The following SERPINB7 variants were observed in gnomAD, a reference collection of about 807,000 sequenced individuals.
The protein encoded by SERPINB7 is serpin B7.
A neutral mutation model predicts 37.4 loss-of-function variants in SERPINB7; 31 were observed. The ratio of observed to expected loss-of-function variants is 0.83; its 90% CI spans 0.62 to 1.12. The LOEUF (loss-of-function observed/expected upper bound fraction) is 1.12. Ranked by LOEUF, SERPINB7 falls within the 50% of genes most tolerant of loss-of-function variation. SERPINB7 has a pLI of 0.00. For missense variants in SERPINB7, 521 were observed against 455.3 expected (o/e 1.14, Z -1.31); for synonymous variants, 163 against 166.1 (o/e 0.98, Z 0.14).
rs1408281348 is a variant in SERPINB7 at position 63,800,891 on chromosome 18, T to A, written c.623T>A (p.Met208Lys). ...TGCTCTGGGAAGGCAGTCGCCATGA[T>A]GCATCAGGAACGGAAGTTCAATTTG... is the stretch of plus-strand genomic sequence containing the variant. ...PKCSGKAVAM[M>K]HQERKFNLSV... is the part of the protein sequence containing the mutation. Residue 208 changes from methionine (M) to lysine (K), a missense_variant, in exon 7 of 8, where the codon ATG (methionine) becomes AAG (lysine). Physicochemically the swap from Met to Lys is moderately conservative, Grantham distance 95. Transcript: ENST00000398019. 1 of 1,613,818 alleles carries A rather than the reference T, an allele frequency of 6.2e-7. No homozygotes were observed. Among genetic ancestry groups the A allele is most frequent in the Non-Finnish European group, 8.5e-7 (1 of 1,179,888 alleles).
intron 2 of SERPINB7, among the ~76,000 whole-genome samples, chr18:63,790,351 G>A (rs2144627176): frequency 1.3e-5 from 2 of 152,320 alleles, no homozygotes; most frequent in Non-Finnish European, 2.9e-5. Context: ...CCATGGTGAG[G>A]TTGATGACAA....
chr18:63,753,872 A>G (rs2049106017), intron 1 of SERPINB7, among the ~76,000 whole-genome samples: 1 of 152,228 alleles, frequency 6.6e-6, no homozygotes, highest in South Asian at 2.1e-4. Context: ...AACTATGTAT[A>G]GCTGAGCTTT....
In SERPINB7 at chr18:63,782,499, C is replaced by G; in HGVS notation, c.127C>G (p.Arg43Gly). The G allele has an allele frequency of 1.2e-6, 2 of 1,613,616 alleles. No individual in the cohort carries two copies. The highest frequency in any genetic ancestry group is 8.5e-7 in the Non-Finnish European group (1 of 1,179,724). The change falls in exon 2 of 8, where the codon CGC becomes GGC. Residue 43 changes from arginine (R) to glycine (G), a missense_variant. Transcript: ENST00000398019. ...LSLFAALALV[R>G]LGAQDDSLSQ... ...CCTCTTCGCTGCCCTGGCCCTGGTC[C>G]GCTTGGGCGCTCAAGATGACTCCCT...
intron 3 of SERPINB7, among the ~76,000 whole-genome samples, chr18:63,792,737 C>A (rs2049442757): frequency 6.6e-6 from 1 of 152,092 alleles, no homozygotes; most frequent in Admixed American, 6.5e-5. Context: ...TTCAGATTTC[C>A]AGATTGTGAA....
chr18:63,771,571 A>G (rs1394589163), upstream of SERPINB7, among the ~76,000 whole-genome samples: 1 of 152,080 alleles, frequency 6.6e-6, no homozygotes, highest in Non-Finnish European at 1.5e-5. Flanking sequence ...TTTCTTAAAG[A>G]CAGAATTGAT....
chr18:63,781,244 G>C (rs969169994), intron 1 of SERPINB7, among the ~76,000 whole-genome samples: 15 of 152,100 alleles, frequency 9.9e-5, no homozygotes, highest in Admixed American at 7.9e-4. Flanking sequence ...GGAGCAAAAG[G>C]TACAAGGAAG....
At chr18:63,774,579 C>T (rs1568203727), upstream of SERPINB7, among the ~76,000 whole-genome samples, 1 of 151,468 alleles carries the variant, frequency 6.6e-6, no homozygotes, top group Non-Finnish European at 1.5e-5. Context: ...GCCCAACCTA[C>T]CTTTCCCTAC....
At chr18:63,788,870 C>G (rs945392493) in intron 2 of SERPINB7, among the ~76,000 whole-genome samples, 1 of 152,142 alleles carries the variant, frequency 6.6e-6, no homozygotes, top group African/African-American at 2.4e-5. Flanking sequence ...ATAGGCTATA[C>G]CATGTAGCCA....
At chr18:63,758,181 A>T (rs1236901840) in intron 1 of SERPINB7, among the ~76,000 whole-genome samples, 4 of 152,234 alleles carry the variant, frequency 2.6e-5, no homozygotes, top group Non-Finnish European at 5.9e-5. Context: ...ATAGCAGATA[A>T]CAAAGGCATG....
chr18:63,781,185 C>T lies in SERPINB7; in HGVS notation c.-18-1170C>T, dbSNP rs1031281803. On this transcript the variant is annotated intron_variant, in intron 1 of 7. Transcript: ENST00000398019. ...GCTCTCCCTCCTTGTGACCCCCTTC[C>T]TCACCCACAACATGCCAGTCCCCAG... 3.3e-5 allele frequency among the ~76,000 whole-genome samples: 5 copies of T among 152,252 alleles called. No homozygotes were observed. In the East Asian group the frequency reaches 7.7e-4, roughly 24 times the overall value.
chr18:63,781,150 A>G (rs2049297279), intron 1 of SERPINB7, among the ~76,000 whole-genome samples: 1 of 152,180 alleles, frequency 6.6e-6, no homozygotes, highest in Non-Finnish European at 1.5e-5. Flanking sequence ...TTCTTCTTTC[A>G]GACTGCATGG....
intron 1 of SERPINB7, among the ~76,000 whole-genome samples, chr18:63,764,072 G>T (rs1244295159): frequency 2.6e-5 from 4 of 152,198 alleles, no homozygotes; most frequent in Non-Finnish European, 5.9e-5. Flanking sequence ...TAAATTAGAG[G>T]CAGGCCCTAG....
intron 2 of SERPINB7, among the ~76,000 whole-genome samples, chr18:63,787,335 A>G (rs2049383080): frequency 2.0e-5 from 3 of 152,212 alleles, no homozygotes; most frequent in Admixed American, 2.0e-4. Flanking sequence ...GATATGTATC[A>G]TTTCAATATT....
intron 2 of SERPINB7, among the ~76,000 whole-genome samples, chr18:63,786,499 G>A (rs2049374545): frequency 6.6e-6 from 1 of 151,684 alleles, no homozygotes; most frequent in Non-Finnish European, 1.5e-5. Flanking sequence ...TTTACAAAAA[G>A]CATTTAAAAA....
chr18:63,794,515 C>T (rs1323825947), intron 4 of SERPINB7, among the ~76,000 whole-genome samples: 4 of 151,848 alleles, frequency 2.6e-5, no homozygotes, highest in East Asian at 3.9e-4. Flanking sequence ...ACGGTGAAAC[C>T]CTGTCTCTAC....
upstream of SERPINB7, among the ~76,000 whole-genome samples, chr18:63,773,176 A>T (rs1020606642): frequency 1.3e-5 from 2 of 152,102 alleles, no homozygotes; most frequent in Non-Finnish European, 2.9e-5. Context: ...TCTGCAATTA[A>T]GCCATGGAAC....
intron 3 of SERPINB7, 102 bp from the exon 4 acceptor site, chr18:63,793,059 T>A (rs1269793177): frequency 3.5e-5 from 18 of 521,318 alleles, no homozygotes; most frequent in Non-Finnish European, 5.0e-5. Flanking sequence ...TTTAAAAAAA[T>A]TCTTTTATGG....
chr18:63,755,227 T>C (rs1314162910), intron 1 of SERPINB7, among the ~76,000 whole-genome samples: 2 of 151,758 alleles, frequency 1.3e-5, no homozygotes. Context: ...TAAGTTGAGG[T>C]GGTGTTTCAG....
intron 5 of SERPINB7, 71 bp downstream of exon 5, chr18:63,796,454 G>A: frequency 1.2e-6 from 1 of 821,560 alleles, no homozygotes; most frequent in South Asian, 1.6e-5. Context: ...ACAAAAGCTG[G>A]GAGTCTTTTG....
Sources: allele counts gnomAD v4.1 joint callset (sites outside exome capture counted in the v4.1 genomes callset), GRCh38; gene constraint gnomAD v4.1.1; transcripts MANE v1.5; gene names NCBI Gene and HGNC (gene_info 2026-07-23, HGNC 2026-07-21).